The following CNTN4 variants were observed in gnomAD, a reference collection of about 807,000 sequenced individuals.
The protein encoded by CNTN4 is contactin 4, also known as contactin-4.
CNTN4 carries 77 observed loss-of-function variants against 122.5 expected under a neutral mutation model. That is an observed-to-expected ratio of 0.63 (90% CI 0.52 to 0.76). The LOEUF is 0.76. Ranked by LOEUF, CNTN4 falls within the 30% of genes least tolerant of loss-of-function variation. The pLI is 0.00. For missense variants in CNTN4, 1,256 were observed against 1,259.1 expected (o/e 1.00, Z 0.04); for synonymous variants, 512 against 447.0 (o/e 1.15, Z -1.83).
intron 4 of CNTN4, among the ~76,000 whole-genome samples, chr3:2,606,579 T>C (rs1301344905): frequency 6.6e-6 from 1 of 152,232 alleles, no homozygotes; most frequent in Non-Finnish European, 1.5e-5. Context: ...TAGGAAGCTA[T>C]TGTGTTATGA....
intron 2 of CNTN4, among the ~76,000 whole-genome samples, chr3:2,168,156 C>A (rs74395052): frequency 6.6e-6 from 1 of 152,070 alleles, no homozygotes; most frequent in African/African-American, 2.4e-5. Context: ...GAAAGTTATA[C>A]TCTACAAATG....
intron 2 of CNTN4, among the ~76,000 whole-genome samples, chr3:2,228,731 T>C (rs2039378775): frequency 6.6e-6 from 1 of 152,152 alleles, no homozygotes; most frequent in Non-Finnish European, 1.5e-5. Flanking sequence ...ACTTGTAATA[T>C]ATATGAATGA....
chr3:2,704,691 C>T (rs192741690), intron 4 of CNTN4, among the ~76,000 whole-genome samples: 30 of 152,102 alleles, frequency 2.0e-4, no homozygotes, highest in Admixed American at 3.9e-4. Flanking sequence ...TAGATATAGA[C>T]CATAAGATTG....
intron 7 of CNTN4, among the ~76,000 whole-genome samples, chr3:2,840,632 G>C (rs2093343436): frequency 7.3e-6 from 1 of 137,710 alleles, no homozygotes; most frequent in South Asian, 2.7e-4. Flanking sequence ...CCGGGAGGCG[G>C]AGCTTGCAGT....
chr3:2,522,448 T>A (rs2077255195), intron 3 of CNTN4, among the ~76,000 whole-genome samples: 1 of 152,132 alleles, frequency 6.6e-6, no homozygotes, highest in African/African-American at 2.4e-5. Context: ...AGGATAGCTC[T>A]CACATGAGAA....
chr3:3,029,236 G>C (rs1453558181), intron 15 of CNTN4, among the ~76,000 whole-genome samples: 1 of 152,140 alleles, frequency 6.6e-6, no homozygotes, highest in Non-Finnish European at 1.5e-5. Flanking sequence ...TTAACATCTT[G>C]GACATGTCTG....
chr3:2,627,772 C>T (rs553372115), intron 4 of CNTN4, among the ~76,000 whole-genome samples: 10 of 152,104 alleles, frequency 6.6e-5, no homozygotes, highest in East Asian at 3.9e-4. Context: ...GGATTACAGG[C>T]GTGAGCCACC....
intron 19 of CNTN4, 61 bp downstream of exon 19, chr3:3,039,064 C>T: frequency 1.4e-6 from 2 of 1,409,750 alleles, no homozygotes; most frequent in Non-Finnish European, 2.0e-6. Flanking sequence ...TTATTTTCCT[C>T]CATGTTAGAC....
intron 4 of CNTN4, among the ~76,000 whole-genome samples, chr3:2,710,860 T>C (rs542160818): frequency 1.3e-5 from 2 of 152,182 alleles, no homozygotes; most frequent in Middle Eastern, 3.2e-3. Context: ...CCACAGGAAG[T>C]TGTTCCCTCT....
rs1229058299 is a variant in CNTN4 at position 2,669,324 on chromosome 3, GTGTA to G, written c.56-66887_56-66884del. ...TTCTTCCTGGTTTAGTCTTGGGAGG[GTGTA>G]TGTGTCGAGGAATTTATCCATTTCT... is the stretch of plus-strand genomic sequence containing the variant. On this transcript the variant is annotated intron_variant, in intron 4 of 24. Coordinates refer to ENST00000418658, the MANE Select transcript of CNTN4 (RefSeq NM_175607.3). Among the ~76,000 whole-genome samples, 30 of 152,294 alleles carry G rather than the reference GTGTA, an allele frequency of 2.0e-4. No homozygotes were observed. The South Asian group carries it at 6.0e-3, about 31-fold the overall frequency.
rs907124257 is a variant in CNTN4, at chr3:2,549,909, C to A, written c.-88-21507C>A. Among the ~76,000 whole-genome samples, 7 of 152,140 alleles carry A rather than the reference C, an allele frequency of 4.6e-5. No homozygotes were observed. The South Asian group carries it at 6.2e-4, about 14-fold the overall frequency. On this transcript the variant is annotated intron_variant, in intron 3 of 24. Coordinates refer to ENST00000418658, the MANE Select transcript of CNTN4 (RefSeq NM_175607.3). ...ATTGGTCTACTCAGGGATTCAACTT[C>A]TTCCTGGTTTAGTCTTGGGAGGGTG...
At chr3:2,391,366 G>T (rs1017176430) in intron 3 of CNTN4, among the ~76,000 whole-genome samples, 2 of 152,132 alleles carry the variant, frequency 1.3e-5, no homozygotes, top group African/African-American at 2.4e-5. Flanking sequence ...TTTTACAACT[G>T]TACTATCTCA....
intron 14 of CNTN4, among the ~76,000 whole-genome samples, chr3:2,998,346 T>G (rs925662379): frequency 5.3e-5 from 8 of 152,118 alleles, no homozygotes; most frequent in African/African-American, 1.9e-4. Flanking sequence ...ACCACAAGCA[T>G]CAGAATCACG....
intron 4 of CNTN4, among the ~76,000 whole-genome samples, chr3:2,625,428 A>G (rs1352473402): frequency 2.6e-5 from 4 of 152,260 alleles, no homozygotes; most frequent in Admixed American, 6.5e-5. Context: ...TAAGCCAATT[A>G]TCATTTACCA....
chr3:2,457,314 G>C (rs550593882), intron 3 of CNTN4, among the ~76,000 whole-genome samples: 1 of 151,992 alleles, frequency 6.6e-6, no homozygotes, highest in East Asian at 1.9e-4. Context: ...CATTTGAAAG[G>C]CACTTTGATG....
intron 3 of CNTN4, among the ~76,000 whole-genome samples, chr3:2,549,374 A>C (rs1281022816): frequency 6.6e-6 from 1 of 152,144 alleles, no homozygotes; most frequent in African/African-American, 2.4e-5. Flanking sequence ...GATATGTTCC[A>C]TCAATACCTA....
intron 13 of CNTN4, chr3:2,985,554 C>T (rs1003614610): frequency 5.3e-5 from 8 of 152,376 alleles, no homozygotes; most frequent in Non-Finnish European, 1.2e-4. Flanking sequence ...TTAGGCCTAG[C>T]AGTTACCACC....
intron 3 of CNTN4, among the ~76,000 whole-genome samples, chr3:2,479,299 G>C (rs1424954703): frequency 6.6e-6 from 1 of 152,008 alleles, no homozygotes; most frequent in Non-Finnish European, 1.5e-5. Context: ...CTAAACAAAT[G>C]AACATTTTTA....
intron 3 of CNTN4, among the ~76,000 whole-genome samples, chr3:2,407,721 G>A (rs769399822): frequency 1.7e-4 from 26 of 152,108 alleles, no homozygotes; most frequent in Non-Finnish European, 2.2e-4. Flanking sequence ...TCAAAATGTC[G>A]TATCTGTGGT....
Sources: allele counts gnomAD v4.1 joint callset (sites outside exome capture counted in the v4.1 genomes callset), GRCh38; gene constraint gnomAD v4.1.1; transcripts MANE v1.5; gene names NCBI Gene and HGNC (gene_info 2026-07-23, HGNC 2026-07-21).